Variants in ARHGAP29 observed in about 807,000 individuals in gnomAD.
The protein encoded by ARHGAP29 is Rho GTPase activating protein 29.
A neutral mutation model predicts 122.6 loss-of-function variants in ARHGAP29; 43 were observed. The observed-to-expected ratio is 0.35, with a 90% CI of 0.27 to 0.45. The LOEUF is 0.45. Ranked by LOEUF, ARHGAP29 falls within the 20% of genes least tolerant of loss-of-function variation. The probability of loss-of-function intolerance (pLI) is 1.00; values close to 1 mark genes in which losing one functional copy is unlikely to be tolerated. For missense variants in ARHGAP29, 1,303 were observed against 1,477.2 expected (o/e 0.88, Z 1.93); for synonymous variants, 506 against 497.1 (o/e 1.02, Z -0.24).
intron 17 of ARHGAP29, 116 bp downstream of exon 17, chr1:94,185,226 T>A: frequency 7.9e-7 from 1 of 1,264,056 alleles, no homozygotes; most frequent in African/African-American, 1.5e-5. Context: ...GAAGGTGTAC[T>A]GTAGTACAAT....
the ARHGAP29 span, among the ~76,000 whole-genome samples, chr1:94,282,283 ATT>A: frequency 6.7e-6 from 1 of 148,960 alleles, no homozygotes; most frequent in African/African-American, 2.5e-5. Context: ...TTATTTATTT[ATT>A]TATTTATTTA....
intron 2 of ARHGAP29, among the ~76,000 whole-genome samples, chr1:94,223,961 C>A (rs1054165136): frequency 6.6e-6 from 1 of 152,084 alleles, no homozygotes; most frequent in Admixed American, 6.6e-5. Context: ...GTGCTCACCA[C>A]CACACCTGGC....
chr1:94,286,053 G>A, the ARHGAP29 span, among the ~76,000 whole-genome samples: 6 of 152,126 alleles, frequency 3.9e-5, no homozygotes, highest in Non-Finnish European at 1.5e-5. Flanking sequence ...TATGTACTGA[G>A]TAGCTTAGAA....
intron 1 of ARHGAP29, among the ~76,000 whole-genome samples, chr1:94,256,267 C>T (rs1654343765): frequency 6.6e-6 from 1 of 150,548 alleles, no homozygotes; most frequent in Admixed American, 6.6e-5. Flanking sequence ...GAATGACTTT[C>T]TGTATTCATC....
chr1:94,220,760 T>C (rs919726218), intron 2 of ARHGAP29, among the ~76,000 whole-genome samples: 1 of 152,196 alleles, frequency 6.6e-6, no homozygotes, highest in African/African-American at 2.4e-5. Flanking sequence ...CAGTAACTCT[T>C]AGGCATATAA....
chr1:94,311,367 C>T, the ARHGAP29 span, among the ~76,000 whole-genome samples: 2 of 151,950 alleles, frequency 1.3e-5, no homozygotes, highest in Non-Finnish European at 2.9e-5. Context: ...TCTTCTCTCC[C>T]TCTCTCTCTC....
chr1:94,200,505 C>T (rs904271857), intron 12 of ARHGAP29, among the ~76,000 whole-genome samples: 1 of 152,146 alleles, frequency 6.6e-6, no homozygotes, highest in Non-Finnish European at 1.5e-5. Context: ...ATAAAGGTAA[C>T]TACACATTTA....
intron 1 of ARHGAP29, among the ~76,000 whole-genome samples, chr1:94,267,131 C>T (rs938754425): frequency 2.6e-5 from 4 of 152,162 alleles, no homozygotes; most frequent in East Asian, 1.9e-4. Flanking sequence ...ACAGTTGCCT[C>T]GTTAGCATTT....
chr1:94,174,318 T>G lies in ARHGAP29; in HGVS notation c.3337A>C (p.Ile1113Leu), dbSNP rs1648947210. The G allele has an allele frequency of 6.2e-7, 1 of 1,614,184 alleles. No homozygotes were observed. The highest frequency in any genetic ancestry group is 8.5e-7 in the Non-Finnish European group (1 of 1,180,028). Residue 1113 changes from isoleucine (I) to leucine (L), a missense_variant, in exon 23 of 23, where the codon ATT becomes CTT. Coordinates refer to ENST00000260526, the MANE Select transcript of ARHGAP29 (RefSeq NM_004815.4). ...GCATTGATAGAATGGTCCCCACTAA[T>G]CTGGAGGCTTGTTGTCACTCCTTTT... ...QEKGVTTSLQ[I>L]SGDHSINATQ...
At position 94,237,554 on chromosome 1, in the gene ARHGAP29, C is replaced by T; in HGVS notation, c.-172G>A. The T allele has an allele frequency of 1.0e-6, 1 of 991,302 alleles. No individual in the cohort carries two copies. Among genetic ancestry groups the T allele is most frequent in the Non-Finnish European group, 1.2e-6 (1 of 834,298 alleles). 61.4% of individuals were successfully genotyped at this position (991,302 alleles called of 1,614,324 possible). A position where few individuals can be genotyped will look rare whatever the true frequency, so the allele number is the denominator to read the frequency against. Reference sequence around the variant, plus strand: ...GCCAAATCTCAGCCGCAGCCGCAGCCGCAGCCACAGCCACAGGCACCACCA... The same window carrying T: ...GCCAAATCTCAGCCGCAGCCGCAGCTGCAGCCACAGCCACAGGCACCACCA... On this transcript the variant is annotated 5_prime_UTR_variant, in exon 1 of 23. Transcript: ENST00000260526.
chr1:94,202,690 T>G lies in ARHGAP29; in HGVS notation c.997A>C (p.Met333Leu). The G allele has an allele frequency of 6.2e-7, 1 of 1,614,132 alleles. No homozygotes were observed. Among genetic ancestry groups the G allele is most frequent in the Non-Finnish European group, 8.5e-7 (1 of 1,180,038 alleles). Residue 333 changes from methionine to leucine, a missense_variant, in exon 11 of 23, where the codon ATG becomes CTG. Transcript: ENST00000260526. ...NALKKAKLLC[M>L]QRQDEYEKAK... ...TTCTCATATTCATCTTGACGTTGCA[T>G]GCATAATAATTTTGCCTTTTTGAGA...
rs1557881982 is a variant in ARHGAP29, at chr1:94,237,571, GCAC to G, written c.-192_-190del. 2 of 991,506 alleles carry G rather than the reference GCAC, an allele frequency of 2.0e-6. No individual in the cohort carries two copies. Among genetic ancestry groups the G allele is most frequent in the African/African-American group, 1.7e-5 (1 of 57,144 alleles). 61.4% of individuals were successfully genotyped at this position (991,506 alleles called of 1,614,324 possible). A position where few individuals can be genotyped will look rare whatever the true frequency, so the allele number is the denominator to read the frequency against. ...GCCGCAGCCGCAGCCACAGCCACAG[GCAC>G]CACCACCACTGCAGCCGCCACCGCC... On this transcript the variant is annotated 5_prime_UTR_variant, in exon 1 of 23. Transcript: ENST00000260526.
At chr1:94,237,681 G>A (rs1653384916), upstream of ARHGAP29, 1 of 985,502 alleles carries the variant, frequency 1.0e-6, no homozygotes, top group African/African-American at 1.7e-5. Context: ...CGCTCCCGGG[G>A]GCGGGGCCGG....
intron 1 of ARHGAP29, 47 bp from the exon 2 acceptor site, chr1:94,231,690 G>C: frequency 7.1e-7 from 1 of 1,413,944 alleles, no homozygotes; most frequent in Non-Finnish European, 9.7e-7. Context: ...GAGAGAGAAA[G>C]AAACACAAAA....
intron 3 of ARHGAP29, among the ~76,000 whole-genome samples, chr1:94,211,347 TA>T (rs1452009052): frequency 2.6e-5 from 3 of 115,878 alleles, no homozygotes; most frequent in African/African-American, 9.2e-5. Context: ...ATGTACCTAA[TA>T]AACAGAGCTT....
In ARHGAP29 at chr1:94,235,629, T is replaced by C. The variant is rs572782379; in HGVS notation, c.-33+1786A>G. Among the ~76,000 whole-genome samples the C allele has an allele frequency of 3.9e-5, 6 of 152,322 alleles. No homozygotes were observed. The South Asian group carries it at 8.3e-4, about 21-fold the overall frequency. ...CTACTAAAAAGCTTCCAAGTGAAAT[T>C]TGAACTGTGCAAATAGACTTGTGCA... On this transcript the variant is annotated intron_variant, in intron 1 of 22. Coordinates refer to ENST00000260526, the MANE Select transcript of ARHGAP29 (RefSeq NM_004815.4).
intron 12 of ARHGAP29, chr1:94,191,233 T>C (rs1427130219): frequency 6.6e-6 from 1 of 152,176 alleles, no homozygotes; most frequent in Non-Finnish European, 1.5e-5. Flanking sequence ...AGCTGTAACA[T>C]GATCTGATTT....
At chr1:94,226,648 G>T (rs1348670059) in intron 2 of ARHGAP29, among the ~76,000 whole-genome samples, 8 of 151,814 alleles carry the variant, frequency 5.3e-5, no homozygotes, top group African/African-American at 1.7e-4. Flanking sequence ...ATTGTTAAAT[G>T]ATATAAACCA....
chr1:94,260,152 G>A (rs1185320780), intron 1 of ARHGAP29, among the ~76,000 whole-genome samples: 1 of 152,156 alleles, frequency 6.6e-6, no homozygotes, highest in East Asian at 1.9e-4. Context: ...TGTTATGCCT[G>A]GGATGAGCCA....
Sources: gnomAD v4.1 joint callset for allele counts (sites outside exome capture counted in the v4.1 genomes callset) on GRCh38, gnomAD v4.1.1 for gene constraint, MANE v1.5 for transcripts, NCBI Gene and HGNC (gene_info 2026-07-23, HGNC 2026-07-21) for gene names.